Variants in NEB observed in about 807,000 individuals in gnomAD.
NEB encodes nebulin, also known as nemaline myopathy type 2.
A neutral mutation model predicts 952.2 loss-of-function variants in NEB; 512 were observed. The ratio of observed to expected loss-of-function variants is 0.54; its 90% confidence interval spans 0.50 to 0.58. The LOEUF (loss-of-function observed/expected upper bound fraction) is 0.58. Among genes scored for constraint, NEB ranks in the 20% least tolerant of loss-of-function variants. NEB has a pLI of 0.00. For missense variants in NEB, 8,428 were observed against 9,231.1 expected (o/e 0.91, Z 3.56); for synonymous variants, 2,900 against 3,149.8 (o/e 0.92, Z 2.66).
At chr2:151,526,803 C>T (rs1441012172) in intron 148 of NEB, 115 bp downstream of exon 148, 6 of 790,088 alleles carry the variant, frequency 7.6e-6, no homozygotes, top group African/African-American at 1.7e-5. Context: ...AGGACCCATA[C>T]CTGAGCCCTG....
intron 51 of NEB, 27 bp downstream of exon 51, chr2:151,655,243 T>C (rs959637261): frequency 1.5e-5 from 20 of 1,311,436 alleles, no homozygotes; most frequent in Admixed American, 2.0e-5. Context: ...AATACAAAAC[T>C]TAAAATTAAT....
rs34504204 is a variant in NEB, at chr2:151,565,084, T to A, written c.18431A>T (p.His6144Leu). The change falls in exon 117 of 182, where the codon CAT becomes CTT. Residue 6144 changes from histidine to leucine, a missense_variant. Coordinates refer to ENST00000397345, the MANE Select transcript of NEB (RefSeq NM_001164508.2). ...GKYTFSPDTP[H>L]ISHSKDMGKL... ...TCCCATGTCTTTGGAGTGGGAGATA[T>A]GTGGTGTATCTGGTGAAAACGTATA... 11 of 1,599,510 alleles carry A rather than the reference T, an allele frequency of 6.9e-6. No individual in the cohort carries two copies. The highest frequency in any genetic ancestry group is 6.8e-6 in the Non-Finnish European group (8 of 1,168,328).
At chr2:151,548,631 G>C (rs770454355) in intron 130 of NEB, among the ~76,000 whole-genome samples, 1 of 152,152 alleles carries the variant, frequency 6.6e-6, no homozygotes, top group Non-Finnish European at 1.5e-5. Context: ...AATAAAATTT[G>C]ACCTTGCCTA....
At position 151,633,560 on chromosome 2, in the gene NEB, TCTTAA is replaced by T. The variant is rs576589999; in HGVS notation, c.9414+89_9414+93del. On this transcript the variant is annotated intron_variant, in intron 65 of 181. Coordinates refer to ENST00000397345, the MANE Select transcript of NEB (RefSeq NM_001164508.2). ...TAAATCTTATTCATGGACCAATCAA[TCTTAA>T]CTTGAGTAATGGATTGTATATAAAG... 6.7e-4 allele frequency: 978 copies of T among 1,455,560 alleles called. 17 individuals are homozygous for T. The South Asian group carries it at 0.012, about 18-fold the overall frequency. The allele number at this position is 1,455,560 out of a possible 1,614,324, so 90.2% of individuals were successfully genotyped here. A position where few individuals can be genotyped will look rare whatever the true frequency, so the allele number is the denominator to read the frequency against.
chr2:151,616,475 G>C lies in NEB; in HGVS notation c.11182-366C>G, dbSNP rs139960481. 2.6e-3 allele frequency among the ~76,000 whole-genome samples: 391 copies of C among 152,184 alleles called. 9 individuals are homozygous for C. In the East Asian group the frequency reaches 0.053, roughly 21 times the overall value. On this transcript the variant is annotated intron_variant, in intron 75 of 181. Transcript: ENST00000397345. ...AGGCTGAGATGGGTGGATCACCTGA[G>C]GTCATGAGTTTGAGAAGAGACCAGC...
Position 151,695,679 on chromosome 2 carries a change from T to C in NEB, c.1573A>G (p.Asn525Asp), listed in dbSNP as rs2099590771. 1 of 1,608,686 alleles carries C rather than the reference T, an allele frequency of 6.2e-7. No homozygotes were observed. Among genetic ancestry groups the C allele is most frequent in the Non-Finnish European group, 8.5e-7 (1 of 1,175,552 alleles). ...TCACTTTCATGTTTTGCTTTGTAAT[T>C]TAACTATGACAGAGAGAGAACCAAT... is the stretch of plus-strand genomic sequence containing the variant. ...QVNSKQLSDL[N>D]YKAKHESEKF... Residue 525 changes from asparagine to aspartate, a missense_variant, in exon 18 of 182, where the codon AAT becomes GAT. Coordinates refer to ENST00000397345, the MANE Select transcript of NEB (RefSeq NM_001164508.2).
intron 133 of NEB, 23 bp from the exon 134 acceptor site, chr2:151,546,466 T>C (rs376205959): frequency 1.2e-5 from 17 of 1,472,792 alleles, no homozygotes; most frequent in Admixed American, 1.0e-4. Flanking sequence ...CACAGAAATA[T>C]AGCTGGTCAT....
At position 151,728,413 on chromosome 2, in the gene NEB, G is replaced by A. The variant is rs2099797152; in HGVS notation, c.79-507C>T. Reference sequence around the variant, plus strand: ...ATTTAGGCATTCTCCACTGTAGTAGGAGACAAAGAATAATGAACTTTAAAA... The same window carrying A: ...ATTTAGGCATTCTCCACTGTAGTAGAAGACAAAGAATAATGAACTTTAAAA... On this transcript the variant is annotated intron_variant, in intron 4 of 181. Coordinates refer to ENST00000397345, the MANE Select transcript of NEB (RefSeq NM_001164508.2). 1.3e-5 allele frequency among the ~76,000 whole-genome samples: 2 copies of A among 152,258 alleles called. 1 individual carries two copies.
chr2:151,698,060 C>G (rs1390110138), intron 13 of NEB, among the ~76,000 whole-genome samples: 1 of 123,636 alleles, frequency 8.1e-6, no homozygotes, highest in Non-Finnish European at 1.7e-5. Context: ...TGCGAGACTC[C>G]GTCTCAAAAC....
intron 84 of NEB, among the ~76,000 whole-genome samples, chr2:151,605,959 C>T (rs1194376105): frequency 1.3e-4 from 13 of 99,358 alleles, no homozygotes; most frequent in Admixed American, 7.1e-4. Flanking sequence ...CCCGCCACCA[C>T]GCCCAGCTAA....
At position 151,677,716 on chromosome 2, in the gene NEB, A is replaced by G. The variant is rs201141958; in HGVS notation, c.3623T>C (p.Ile1208Thr). 2,523 of 1,614,002 alleles carry G rather than the reference A, an allele frequency of 1.6e-3. 1 individual carries two copies. The highest frequency in any genetic ancestry group is 2.3e-3 in the Admixed American group (137 of 60,018). The stretch of plus-strand genomic sequence containing the variant: ...AACTTTTTCGACGTCGAGACTGCCA[A>G]TAGGAATCCAGCCAATGCCTTTCAT... ...NWMKGIGWIP[I>T]GSLDVEKVKK... The change falls in exon 34 of 182, where the codon ATT (isoleucine) becomes ACT (threonine). Residue 1208 changes from isoleucine to threonine, a missense_variant. By Grantham distance (89) the Ile-to-Thr change is moderately conservative. Transcript: ENST00000397345.
intron 161 of NEB, among the ~76,000 whole-genome samples, chr2:151,511,348 C>G (rs74751445): frequency 6.6e-6 from 1 of 152,172 alleles, no homozygotes; most frequent in South Asian, 2.1e-4. Flanking sequence ...AAACCACTCT[C>G]TAGTGATAAC....
intron 24 of NEB, 96 bp downstream of exon 24, chr2:151,690,631 T>C (rs1576465193): frequency 2.3e-6 from 2 of 858,700 alleles, no homozygotes; most frequent in South Asian, 2.9e-5. Flanking sequence ...ATTGGGATGG[T>C]AGATGAGCCC....
Position 151,485,944 on chromosome 2 carries a change from G to T in NEB, c.25405-11C>A, listed in dbSNP as rs2049889237. ...GGCACGGAAGATTTTCTATTCGTGG[G>T]GATGGAAAAGGGGAAATATTATATG... On this transcript the variant is annotated splice_polypyrimidine_tract_variant and intron_variant, in intron 181 of 181. Coordinates refer to ENST00000397345, the MANE Select transcript of NEB (RefSeq NM_001164508.2). The T allele has an allele frequency of 6.2e-7, 1 of 1,612,706 alleles. No individual in the cohort carries two copies. The highest frequency in any genetic ancestry group is 8.5e-7 in the Non-Finnish European group (1 of 1,179,422).
At chr2:151,698,400 C>T (rs1180766413) in intron 13 of NEB, among the ~76,000 whole-genome samples, 1 of 151,826 alleles carries the variant, frequency 6.6e-6, no homozygotes, top group Non-Finnish European at 1.5e-5. Context: ...TCTGTAGTTG[C>T]CAAGGCCTGG....
rs977414970 is a variant in NEB at position 151,673,877 on chromosome 2, G to A, written c.3987+600C>T. 7.3e-5 allele frequency among the ~76,000 whole-genome samples: 11 copies of A among 151,670 alleles called. No homozygotes were observed. The East Asian group carries it at 1.7e-3, about 24-fold the overall frequency. On this transcript the variant is annotated intron_variant, in intron 36 of 181. Coordinates refer to ENST00000397345, the MANE Select transcript of NEB (RefSeq NM_001164508.2). ...GCCTCCCTAGCAGCTGGGACTACAGGTGCCCGCCACCATTCGATCTCCTGA... is the reference window on the plus strand; with the variant it reads ...GCCTCCCTAGCAGCTGGGACTACAGATGCCCGCCACCATTCGATCTCCTGA...
chr2:151,669,356 T>A (rs565114531), intron 38 of NEB, among the ~76,000 whole-genome samples: 1 of 152,104 alleles, frequency 6.6e-6, no homozygotes, highest in Non-Finnish European at 1.5e-5. Flanking sequence ...AAGTTCTGTG[T>A]TTAAAGAGGT....
In NEB at chr2:151,692,116, G is replaced by A; in HGVS notation, c.2049C>T (p.Gly683=). 6.2e-7 allele frequency: 1 copy of A among 1,613,914 alleles called. No homozygotes were observed. The highest frequency in any genetic ancestry group is 8.5e-7 in the Non-Finnish European group (1 of 1,179,836). ...GTGTGTGATATGGGTCCTCCATGCT[G>A]CCTACATAATGTCCCAAAACATCCT... ...YVKDVLGHYV[G]SMEDPYHTHC... Residue 683 remains glycine (G), a synonymous_variant, in exon 22 of 182, where the codon GGC becomes GGT. Transcript: ENST00000397345.
At chr2:151,516,701 T>A in intron 156 of NEB, 138 bp from the exon 157 acceptor site, 1 of 669,776 alleles carries the variant, frequency 1.5e-6, no homozygotes, top group Non-Finnish European at 2.7e-6. Context: ...TCCTGTTATG[T>A]TTCAGATCCA....
Sources: allele counts gnomAD v4.1 joint callset (sites outside exome capture counted in the v4.1 genomes callset), GRCh38; gene constraint gnomAD v4.1.1; transcripts MANE v1.5; gene names NCBI Gene and HGNC (gene_info 2026-07-23, HGNC 2026-07-21).